The following CIMAP1B variants were observed in gnomAD, a reference collection of about 807,000 sequenced individuals.
CIMAP1B encodes the protein orf2 5' to PD-ECGF/TP.
the CIMAP1B span, chr22:50,531,163 G>A: frequency 1.3e-6 from 2 of 1,597,118 alleles, no homozygotes; most frequent in African/African-American, 2.7e-5. Context: ...AAGGCCCACA[G>A]TTCTGGGATG....
chr22:50,531,844 G>C, the CIMAP1B span: 16 of 1,329,522 alleles, frequency 1.2e-5, no homozygotes, highest in African/African-American at 1.5e-5. Flanking sequence ...ACCCTCCCCC[G>C]GCACAGACCC....
the CIMAP1B span, chr22:50,530,899 C>G: frequency 6.2e-7 from 1 of 1,608,796 alleles, no homozygotes; most frequent in Non-Finnish European, 8.5e-7. Flanking sequence ...CTGCCGCGGA[C>G]CAGGGACCCC....
At chr22:50,531,362 G>C in the CIMAP1B span, 2 of 1,332,224 alleles carry the variant, frequency 1.5e-6, no homozygotes. Context: ...CCCGAGATGG[G>C]GTCCTGGGAC....
chr22:50,532,175 A>G, the CIMAP1B span: 4 of 1,295,924 alleles, frequency 3.1e-6, no homozygotes, highest in Non-Finnish European at 3.9e-6. Flanking sequence ...GCACTTTCCC[A>G]CTACCCTGGG....
the CIMAP1B span, chr22:50,530,763 G>A: frequency 8.1e-6 from 13 of 1,609,744 alleles, no homozygotes; most frequent in East Asian, 8.9e-5. Flanking sequence ...TGTCTTGGGG[G>A]AGCGAAGTCC....
At chr22:50,531,694 C>A in the CIMAP1B span, 4 of 1,363,286 alleles carry the variant, frequency 2.9e-6, no homozygotes, top group Non-Finnish European at 3.8e-6. Flanking sequence ...CGGGGCCGCA[C>A]GTCGTCTGCT....
the CIMAP1B span, chr22:50,530,653 C>T: frequency 1.3e-6 from 2 of 1,591,030 alleles, no homozygotes; most frequent in African/African-American, 1.3e-5. Context: ...CCCATCACTC[C>T]GACCTCAGGC....
chr22:50,531,562 G>T, the CIMAP1B span: 6 of 1,425,206 alleles, frequency 4.2e-6, no homozygotes, highest in East Asian at 1.6e-4. Flanking sequence ...GGGCCCGGGG[G>T]TCCTGACCAG....
At chr22:50,530,504 C>G in the CIMAP1B span, 220 of 1,600,132 alleles carry the variant, frequency 1.4e-4, no homozygotes, top group Admixed American at 4.0e-4. Flanking sequence ...CGGTCACCAG[C>G]GGGGCCAGGT....
the CIMAP1B span, chr22:50,531,175 GC>G: frequency 1.2e-6 from 2 of 1,607,096 alleles, no homozygotes; most frequent in Non-Finnish European, 1.7e-6. Context: ...TCTGGGATGG[GC>G]CGTTCTGACC....
the CIMAP1B span, chr22:50,530,473 T>A: frequency 6.3e-7 from 1 of 1,591,488 alleles, no homozygotes; most frequent in African/African-American, 1.3e-5. Flanking sequence ...CGCTCCCGCC[T>A]GGCGGGTCAG....
the CIMAP1B span, chr22:50,532,477 C>T: frequency 1.2e-5 from 2 of 173,212 alleles, no homozygotes; most frequent in Non-Finnish European, 2.4e-5. Flanking sequence ...GTGCACTGAC[C>T]TGTTGTGGTA....
the CIMAP1B span, chr22:50,531,107 CAGGGTGGTCCCAGCTCCCGG>C: frequency 1.7e-5 from 27 of 1,590,236 alleles, no homozygotes; most frequent in Non-Finnish European, 2.3e-5. Context: ...CGGACAGGCG[CAGGGTGGTCCCAGCTCCCGG>C]AGGGCGGTCC....
chr22:50,531,275 C>G, the CIMAP1B span: 1 of 1,609,740 alleles, frequency 6.2e-7, no homozygotes, highest in South Asian at 1.1e-5. Flanking sequence ...GCGTTCCCCG[C>G]TCGCTCCGGG....
chr22:50,530,654 G>A, the CIMAP1B span: 1 of 1,592,234 alleles, frequency 6.3e-7, no homozygotes, highest in Non-Finnish European at 8.6e-7. Context: ...CCATCACTCC[G>A]ACCTCAGGCC....
At chr22:50,531,078 CG>C in the CIMAP1B span, 2 of 1,602,498 alleles carry the variant, frequency 1.2e-6, no homozygotes, top group Non-Finnish European at 1.7e-6. Flanking sequence ...AGGCAGGGCT[CG>C]GGGGTAGTGG....
the CIMAP1B span, chr22:50,530,931 C>T: frequency 1.2e-6 from 2 of 1,610,558 alleles, no homozygotes; most frequent in Non-Finnish European, 8.5e-7. Flanking sequence ...CCGGCCCCTC[C>T]CCCACCTTGC....
the CIMAP1B span, chr22:50,531,735 C>G: frequency 6.6e-6 from 9 of 1,367,508 alleles, no homozygotes; most frequent in South Asian, 1.8e-5. Flanking sequence ...AAGGTGAAGG[C>G]GGGGGCGCGC....
chr22:50,530,451 C>G, the CIMAP1B span: 1 of 1,570,228 alleles, frequency 6.4e-7, no homozygotes, highest in Non-Finnish European at 8.6e-7. Context: ...TTTAAGCAAA[C>G]ACGTGTGGGG....
Sources: allele counts gnomAD v4.1 joint callset, GRCh38; gene constraint gnomAD v4.1.1; transcripts MANE v1.5; gene names NCBI Gene and HGNC (gene_info 2026-07-23, HGNC 2026-07-21).